The following CLCNKB variants were observed in gnomAD, a reference collection of about 807,000 sequenced individuals.
The protein encoded by CLCNKB is chloride voltage-gated channel Kb.
CLCNKB carries 74 observed loss-of-function variants against 83.8 expected under a neutral mutation model. The ratio of observed to expected loss-of-function variants is 0.88; its 90% CI spans 0.73 to 1.07. The LOEUF is 1.07. CLCNKB is among the 50% of genes least tolerant of loss of function. The probability of loss-of-function intolerance (pLI) is 0.00; values close to 1 mark genes in which losing one functional copy is unlikely to be tolerated. For synonymous variants in CLCNKB, 358 were observed against 356.6 expected (o/e 1.00, Z -0.04); for missense variants, 798 against 893.6 (o/e 0.89, Z 1.36).
At chr1:16,049,074 G>A (rs755156695) in intron 7 of CLCNKB, 46 bp from the exon 8 acceptor site, 1 of 1,613,510 alleles carries the variant, frequency 6.2e-7, no homozygotes, top group Non-Finnish European at 8.5e-7. Flanking sequence ...TACAGTCACA[G>A]GTGGGTGGGG....
chr1:16,049,695 G>A lies in CLCNKB; in HGVS notation c.859G>A (p.Ala287Thr), dbSNP rs1274370069. 17 of 1,609,854 alleles carry A rather than the reference G, an allele frequency of 1.1e-5. No homozygotes were observed. Among genetic ancestry groups the A allele is most frequent in the East Asian group, 2.2e-5 (1 of 44,782 alleles). Residue 287 changes from alanine (A) to threonine (T), a missense_variant, in exon 9 of 20, where the codon GCG becomes ACG. By Grantham distance (58) the Ala-to-Thr change is moderately conservative. Transcript: ENST00000375679. Reference protein sequence around the residue: ...FDLPEIFFFVALGGLCGILGS... With the variant: ...FDLPEIFFFVTLGGLCGILGS... ...CCTGCCTGAGATCTTCTTTTTTGTGGCGCTGGGGTGAGTGGGTGCCTTGGG... is the reference window on the plus strand; with the variant it reads ...CCTGCCTGAGATCTTCTTTTTTGTGACGCTGGGGTGAGTGGGTGCCTTGGG...
chr1:16,046,548 G>C lies in CLCNKB; in HGVS notation c.243G>C (p.Leu81=), dbSNP rs773390010. Residue 81 remains leucine, a synonymous_variant, in exon 4 of 20, where the codon CTG becomes CTC. Transcript: ENST00000375679. Reference sequence around the variant, plus strand: ...GGCTGTCCCCAGCGCACCAGTGGCTGTACAGGGAGATTGGGGACAGCCACC... The same window carrying C: ...GGCTGTCCCCAGCGCACCAGTGGCTCTACAGGGAGATTGGGGACAGCCACC... The part of the protein sequence containing the change: ...VESVVRAHQW[L]YREIGDSHLL... 6.2e-7 allele frequency: 1 copy of C among 1,614,030 alleles called. No individual in the cohort carries two copies. The highest frequency in any genetic ancestry group is 1.7e-5 in the Admixed American group (1 of 60,030).
Position 16,052,317 on chromosome 1 carries a change from G to A in CLCNKB, c.1528G>A (p.Ala510Thr), listed in dbSNP as rs200634290. The A allele has an allele frequency of 8.1e-6, 13 of 1,613,150 alleles. No individual in the cohort carries two copies. The highest frequency in any genetic ancestry group is 6.7e-5 in the African/African-American group (5 of 75,028). Residue 510 changes from alanine to threonine, a missense_variant, in exon 15 of 20, where the codon GCC becomes ACC. Transcript: ENST00000375679. Reference sequence around the variant, plus strand: ...GCTGATGGCGGTGCTGGCAGCCAACGCCATTGCACAGAGCTGCCAGCCCTC... The same window carrying A: ...GCTGATGGCGGTGCTGGCAGCCAACACCATTGCACAGAGCTGCCAGCCCTC... ...PVLMAVLAAN[A>T]IAQSCQPSFY...
intron 16 of CLCNKB, among the ~76,000 whole-genome samples, chr1:16,054,678 T>G (rs1429857215): frequency 1.3e-5 from 2 of 151,964 alleles, no homozygotes; most frequent in Non-Finnish European, 2.9e-5. Flanking sequence ...ATGTTTGCAT[T>G]CGGATGACCC....
chr1:16,047,437 C>T (rs1181724752), intron 4 of CLCNKB, among the ~76,000 whole-genome samples: 3 of 125,738 alleles, frequency 2.4e-5, no homozygotes, highest in African/African-American at 8.8e-5. Flanking sequence ...AGAGTGAGAC[C>T]CCTGTCTGAA....
chr1:16,054,571 A>G (rs779525341), intron 16 of CLCNKB, among the ~76,000 whole-genome samples: 2 of 152,214 alleles, frequency 1.3e-5, no homozygotes, highest in Non-Finnish European at 2.9e-5. Context: ...TAGGATTGCC[A>G]GACGTTCTCA....
rs749463748 is a variant in CLCNKB at position 16,050,501 on chromosome 1, A to T, written c.969-15A>T. 1.2e-6 allele frequency: 2 copies of T among 1,613,104 alleles called. No homozygotes were observed. Among genetic ancestry groups the T allele is most frequent in the African/African-American group, 2.7e-5 (2 of 74,714 alleles). Reference sequence around the variant, plus strand: ...AAAGGGAGGGCCAGCCCTAGAGCCCACCCATCCCCCACAGCAAGCCTGTGT... The same window carrying T: ...AAAGGGAGGGCCAGCCCTAGAGCCCTCCCATCCCCCACAGCAAGCCTGTGT... On this transcript the variant is annotated splice_polypyrimidine_tract_variant and intron_variant, in intron 10 of 19. Transcript: ENST00000375679.
At chr1:16,054,379 G>A (rs1443770138) in intron 16 of CLCNKB, among the ~76,000 whole-genome samples, 1 of 152,126 alleles carries the variant, frequency 6.6e-6, no homozygotes, top group Admixed American at 6.5e-5. Context: ...GCTGGATTTT[G>A]GTCTCCACTT....
At position 16,050,508 on chromosome 1, in the gene CLCNKB, C is replaced by G. The variant is rs201357287; in HGVS notation, c.969-8C>G. Reference sequence around the variant, plus strand: ...GGGCCAGCCCTAGAGCCCACCCATCCCCCACAGCAAGCCTGTGTACTCCGC... The same window carrying G: ...GGGCCAGCCCTAGAGCCCACCCATCGCCCACAGCAAGCCTGTGTACTCCGC... On this transcript the variant is annotated splice_polypyrimidine_tract_variant and splice_region_variant and intron_variant, in intron 10 of 19. Coordinates refer to ENST00000375679, the MANE Select transcript of CLCNKB (RefSeq NM_000085.5). The G allele has an allele frequency of 6.2e-7, 1 of 1,614,012 alleles. No homozygotes were observed. Among genetic ancestry groups the G allele is most frequent in the Admixed American group, 1.7e-5 (1 of 60,018 alleles).
At chr1:16,047,854 A>AT in intron 4 of CLCNKB, 51 bp from the exon 5 acceptor site, 1 of 1,601,846 alleles carries the variant, frequency 6.2e-7, no homozygotes, top group Non-Finnish European at 8.5e-7. Context: ...GAGTGTTGAG[A>AT]TTTTTAACCT....
At chr1:16,048,834 C>G (rs1226389395) in intron 7 of CLCNKB, 3 of 1,441,480 alleles carry the variant, frequency 2.1e-6, no homozygotes, top group African/African-American at 1.4e-5. Flanking sequence ...GACCCTGGCC[C>G]GTTGGCCTCT....
intron 5 of CLCNKB, 120 bp downstream of exon 5, chr1:16,048,164 A>G: frequency 6.9e-7 from 1 of 1,452,476 alleles, no homozygotes; most frequent in Non-Finnish European, 9.4e-7. Context: ...GCCTTCCAGG[A>G]ACTCAGTCTT....
At chr1:16,054,661 T>G (rs925484892) in intron 16 of CLCNKB, among the ~76,000 whole-genome samples, 4 of 152,050 alleles carry the variant, frequency 2.6e-5, no homozygotes, top group African/African-American at 9.7e-5. Flanking sequence ...AAATATCTCA[T>G]CTGAAAATGT....
intron 16 of CLCNKB, 32 bp downstream of exon 16, chr1:16,053,804 G>C (rs2023367338): frequency 1.2e-6 from 2 of 1,612,886 alleles, no homozygotes; most frequent in South Asian, 2.2e-5. Flanking sequence ...GGAAGTCGGG[G>C]GTAGGGGATG....
intron 5 of CLCNKB, 129 bp downstream of exon 5, chr1:16,048,173 T>C (rs1439941920): frequency 1.4e-6 from 2 of 1,453,732 alleles, no homozygotes; most frequent in Non-Finnish European, 1.9e-6. Flanking sequence ...GAACTCAGTC[T>C]TGGGGGAAGA....
At position 16,049,701 on chromosome 1, in the gene CLCNKB, G is replaced by T; in HGVS notation, c.865G>T (p.Gly289Trp). Reference sequence around the variant, plus strand: ...TGAGATCTTCTTTTTTGTGGCGCTGGGGTGAGTGGGTGCCTTGGGCCCCTG... The same window carrying T: ...TGAGATCTTCTTTTTTGTGGCGCTGTGGTGAGTGGGTGCCTTGGGCCCCTG... ...LPEIFFFVAL[G>W]GLCGILGSAY... Residue 289 changes from glycine (G) to tryptophan (W), a missense_variant and splice_region_variant, in exon 9 of 20, where the codon GGG becomes TGG. Coordinates refer to ENST00000375679, the MANE Select transcript of CLCNKB (RefSeq NM_000085.5). 1 of 1,606,074 alleles carries T rather than the reference G, an allele frequency of 6.2e-7. No individual in the cohort carries two copies. The highest frequency in any genetic ancestry group is 8.5e-7 in the Non-Finnish European group (1 of 1,173,324).
At chr1:16,047,835 A>T (rs945403) in intron 4 of CLCNKB, 70 bp from the exon 5 acceptor site, 57 of 1,514,344 alleles carry the variant, frequency 3.8e-5, no homozygotes, top group Non-Finnish European at 4.5e-5. Flanking sequence ...TGAAAACATC[A>T]CACAGGTAGA....
intron 14 of CLCNKB, 24 bp from the exon 15 acceptor site, chr1:16,052,174 C>A (rs1342462804): frequency 6.2e-7 from 1 of 1,612,362 alleles, no homozygotes; most frequent in Non-Finnish European, 8.5e-7. Context: ...GCCTGAGCTG[C>A]CCTGCCTGAC....
At chr1:16,048,128 G>A in intron 5 of CLCNKB, 84 bp downstream of exon 5, 2 of 1,527,144 alleles carry the variant, frequency 1.3e-6, no homozygotes. Flanking sequence ...CGAAAGCTGC[G>A]TCAGAGGGGA....
Sources: gnomAD v4.1 joint callset for allele counts (sites outside exome capture counted in the v4.1 genomes callset) on GRCh38, gnomAD v4.1.1 for gene constraint, MANE v1.5 for transcripts, NCBI Gene and HGNC (gene_info 2026-07-23, HGNC 2026-07-21) for gene names.